Variants in PPFIA2 observed in about 807,000 individuals in gnomAD.
The protein encoded by PPFIA2 is PPFI scaffold protein A2.
PPFIA2 carries 46 observed loss-of-function variants against 175.5 expected under a neutral mutation model. The observed-to-expected ratio is 0.26, with a 90% CI of 0.21 to 0.34. PPFIA2 has a LOEUF of 0.34. Ranked by LOEUF, PPFIA2 falls within the 10% of genes least tolerant of loss-of-function variation. The pLI is 1.00. For synonymous variants in PPFIA2, 568 were observed against 511.4 expected, an observed-to-expected ratio of 1.11 and a Z score of -1.49; for missense variants, 1,179 against 1,506.1, an observed-to-expected ratio of 0.78 and a Z score of 3.60.
At chr12:81,716,497 C>G (rs1485815208) in intron 3 of PPFIA2, among the ~76,000 whole-genome samples, 1 of 151,318 alleles carries the variant, frequency 6.6e-6, no homozygotes, top group Admixed American at 6.6e-5. Context: ...GATTGAGATT[C>G]TATTTCTCAC....
intron 4 of PPFIA2, among the ~76,000 whole-genome samples, chr12:81,588,386 C>T (rs549718510): frequency 6.6e-6 from 1 of 152,008 alleles, no homozygotes; most frequent in East Asian, 1.9e-4. Flanking sequence ...GTGAATGTGT[C>T]CAGCCCCACC....
At chr12:81,284,112 T>G (rs1242829740) in intron 25 of PPFIA2, 129 bp downstream of exon 25, 12 of 697,940 alleles carry the variant, frequency 1.7e-5, no homozygotes, top group Admixed American at 1.3e-4. Context: ...TAAAAAATGT[T>G]AGTTATCATT....
At chr12:81,300,991 T>C (rs1293453482) in intron 22 of PPFIA2, among the ~76,000 whole-genome samples, 1 of 146,108 alleles carries the variant, frequency 6.8e-6, no homozygotes, top group African/African-American at 2.8e-5. Flanking sequence ...TACAATACAA[T>C]ATAATACAAT....
intron 4 of PPFIA2, among the ~76,000 whole-genome samples, chr12:81,540,287 A>G (rs2066007441): frequency 6.6e-6 from 1 of 152,104 alleles, no homozygotes; most frequent in African/African-American, 2.4e-5. Context: ...AATATTTATC[A>G]TAAGACTTAG....
chr12:81,520,042 TCTC>T (rs770448434), intron 4 of PPFIA2, among the ~76,000 whole-genome samples: 1 of 152,328 alleles, frequency 6.6e-6, no homozygotes, highest in East Asian at 1.9e-4. Context: ...TTTTCACACT[TCTC>T]CTTGTGATGA....
At chr12:81,611,875 T>C (rs1486405879) in intron 4 of PPFIA2, among the ~76,000 whole-genome samples, 1 of 152,010 alleles carries the variant, frequency 6.6e-6, no homozygotes, top group East Asian at 1.9e-4. Context: ...GGATGCAGGG[T>C]CCCCTGTCAC....
At chr12:81,491,752 C>T (rs1403062) in intron 4 of PPFIA2, among the ~76,000 whole-genome samples, 76,029 of 151,638 alleles carry the variant, frequency 0.5, 19,327 homozygotes, top group African/African-American at 0.57. Flanking sequence ...GTATTTTTGT[C>T]CTAGTATCCT....
chr12:81,481,689 T>C (rs555517562), intron 4 of PPFIA2, among the ~76,000 whole-genome samples: 3 of 152,322 alleles, frequency 2.0e-5, no homozygotes, highest in South Asian at 2.1e-4. Context: ...GCTAGCCATA[T>C]GCAGAAAACT....
chr12:81,457,330 G>T (rs1316378893), intron 5 of PPFIA2, among the ~76,000 whole-genome samples: 1 of 150,952 alleles, frequency 6.6e-6, no homozygotes. Flanking sequence ...GGGAGGAGGT[G>T]AGAACCAAAC....
intron 21 of PPFIA2, among the ~76,000 whole-genome samples, chr12:81,327,776 G>C (rs575543031): frequency 2.6e-5 from 4 of 151,954 alleles, no homozygotes; most frequent in Non-Finnish European, 5.9e-5. Flanking sequence ...AATAAAACTT[G>C]AAATAAAAGC....
chr12:81,553,353 A>G (rs928015394), intron 4 of PPFIA2, among the ~76,000 whole-genome samples: 10 of 152,082 alleles, frequency 6.6e-5, no homozygotes, highest in Admixed American at 5.9e-4. Context: ...GTATTTTTCA[A>G]AGATGGATAC....
chr12:81,401,797 A>G (rs2042134692), intron 8 of PPFIA2, among the ~76,000 whole-genome samples: 1 of 152,224 alleles, frequency 6.6e-6, no homozygotes, highest in Admixed American at 6.5e-5. Context: ...AGAAAGAAAT[A>G]GGAAAAAGTT....
intron 21 of PPFIA2, among the ~76,000 whole-genome samples, chr12:81,333,898 T>G (rs992565115): frequency 6.6e-6 from 1 of 152,130 alleles, no homozygotes; most frequent in Non-Finnish European, 1.5e-5. Context: ...CCAGGTGACG[T>G]TACTCCACTC....
intron 4 of PPFIA2, among the ~76,000 whole-genome samples, chr12:81,541,343 T>C (rs1046064687): frequency 1.3e-4 from 20 of 152,060 alleles, no homozygotes; most frequent in Admixed American, 1.1e-3. Context: ...ATTCTGTTCA[T>C]GGGCTCCTCC....
At chr12:81,467,925 C>T (rs192050275) in intron 4 of PPFIA2, among the ~76,000 whole-genome samples, 5 of 152,120 alleles carry the variant, frequency 3.3e-5, no homozygotes, top group Admixed American at 3.3e-4. Flanking sequence ...ACCCTTTGGG[C>T]TCCTGCTCTA....
chr12:81,710,614 A>C (rs930002910), intron 3 of PPFIA2, among the ~76,000 whole-genome samples: 1 of 152,154 alleles, frequency 6.6e-6, no homozygotes, highest in Non-Finnish European at 1.5e-5. Context: ...TTACATATAC[A>C]TAATGAGATA....
chr12:81,721,037 G>T lies in PPFIA2; in HGVS notation c.249+32936C>A, dbSNP rs12303517. Among the ~76,000 whole-genome samples, 1,029 of 150,528 alleles carry T rather than the reference G, an allele frequency of 6.8e-3. 10 individuals carry two copies. Among genetic ancestry groups the T allele is most frequent in the African/African-American group, 0.024 (979 of 41,124 alleles). The stretch of plus-strand genomic sequence containing the variant: ...AGTTGGGAAGCACAGCAACAGGCAG[G>T]CAGGTGATTATGAAATGGATGAATG... On this transcript the variant is annotated intron_variant, in intron 3 of 32. Coordinates refer to ENST00000549396, the MANE Select transcript of PPFIA2 (RefSeq NM_003625.5).
intron 8 of PPFIA2, among the ~76,000 whole-genome samples, chr12:81,402,953 A>G (rs1207058287): frequency 2.0e-5 from 3 of 152,222 alleles, no homozygotes; most frequent in Admixed American, 2.0e-4. Flanking sequence ...AAATTGAAAC[A>G]TGTTTACATA....
intron 3 of PPFIA2, among the ~76,000 whole-genome samples, chr12:81,718,209 G>T (rs1257378994): frequency 6.6e-6 from 1 of 151,652 alleles, no homozygotes; most frequent in Non-Finnish European, 1.5e-5. Flanking sequence ...GACAGAGAAA[G>T]ATATAGGTAG....
Sources: gnomAD v4.1 joint callset for allele counts (sites outside exome capture counted in the v4.1 genomes callset) on GRCh38, gnomAD v4.1.1 for gene constraint, MANE v1.5 for transcripts, NCBI Gene and HGNC (gene_info 2026-07-23, HGNC 2026-07-21) for gene names.